ENOX1: variants seen among roughly 807,000 people sequenced by gnomAD.
The protein encoded by ENOX1 is candidate growth-related and time keeping constitutive hydroquinone (NADH) oxidase.
Under a neutral mutation model 82.5 loss-of-function variants are expected in ENOX1, and 42 were observed. That is an observed-to-expected ratio of 0.51 (90% CI 0.40 to 0.66). The LOEUF (loss-of-function observed/expected upper bound fraction) is 0.66. Among genes scored for constraint, ENOX1 ranks in the 30% least tolerant of loss-of-function variants. The probability of loss-of-function intolerance (pLI) is 0.00; values close to 1 mark genes in which losing one functional copy is unlikely to be tolerated. For synonymous variants in ENOX1, 271 were observed against 282.2 expected, an observed-to-expected ratio of 0.96 and a Z score of 0.40; for missense variants, 608 against 811.6, an observed-to-expected ratio of 0.75 and a Z score of 3.05.
intron 2 of ENOX1, among the ~76,000 whole-genome samples, chr13:43,530,541 T>A (rs1356043363): frequency 6.6e-6 from 1 of 152,098 alleles, no homozygotes; most frequent in Non-Finnish European, 1.5e-5. Context: ...CCCCAGGATT[T>A]GAAAATAGTT....
rs1352778657 is a variant in ENOX1, at chr13:43,213,297, T to G, written c.*693A>C. On this transcript the variant is annotated 3_prime_UTR_variant, in exon 17 of 17. Transcript: ENST00000690772. Reference sequence around the variant, plus strand: ...TATTTACACTTTATGAAAACTGTTATGCAGTCCATGTTAAAAGAACTTATG... The same window carrying G: ...TATTTACACTTTATGAAAACTGTTAGGCAGTCCATGTTAAAAGAACTTATG... Among the ~76,000 whole-genome samples, 3 of 152,170 alleles carry G rather than the reference T, an allele frequency of 2.0e-5. No individual in the cohort carries two copies. The highest frequency in any genetic ancestry group is 7.2e-5 in the African/African-American group (3 of 41,470).
At chr13:43,643,628 T>C (rs952201550) in intron 2 of ENOX1, among the ~76,000 whole-genome samples, 1 of 144,592 alleles carries the variant, frequency 6.9e-6, no homozygotes, top group African/African-American at 2.5e-5. Flanking sequence ...TATGTATGTG[T>C]GTGTGTATAT....
rs143923184 is a variant in ENOX1, at chr13:43,356,124, G to C, written c.618C>G (p.Thr206=). 2 of 1,614,128 alleles carry C rather than the reference G, an allele frequency of 1.2e-6. No individual in the cohort carries two copies. The highest frequency in any genetic ancestry group is 1.7e-6 in the Non-Finnish European group (2 of 1,180,018). The part of the protein sequence containing the change: ...SGYRMRLGSS[T]DKKDSGRLHV... The stretch of plus-strand genomic sequence containing the variant: ...GAAGGCGGCCTGAATCCTTTTTGTC[G>C]GTGCTAGACCCTAATCGCATCCTAT... Residue 206 remains threonine (T), a synonymous_variant, in exon 8 of 17, where the codon ACC becomes ACG. Coordinates refer to ENST00000690772, the MANE Select transcript of ENOX1 (RefSeq NM_001347969.2).
chr13:43,736,220 AT>A, intron 1 of ENOX1, among the ~76,000 whole-genome samples: 1 of 152,298 alleles, frequency 6.6e-6, no homozygotes, highest in Non-Finnish European at 1.5e-5. Context: ...TATTGTAAAT[AT>A]TTTTTATTCT....
chr13:43,262,963 G>A (rs17064341), intron 14 of ENOX1, among the ~76,000 whole-genome samples: 25 of 152,290 alleles, frequency 1.6e-4, no homozygotes, highest in African/African-American at 6.0e-4. Context: ...AGTCGGGTCT[G>A]AAGGCCTCGT....
At chr13:43,312,838 CT>C (rs1370831295) in intron 11 of ENOX1, among the ~76,000 whole-genome samples, 1 of 152,156 alleles carries the variant, frequency 6.6e-6, no homozygotes, top group Admixed American at 6.5e-5. Flanking sequence ...AGCAAATCTC[CT>C]TCTAGGTAGT....
intron 5 of ENOX1, among the ~76,000 whole-genome samples, chr13:43,385,141 T>G (rs1396453988): frequency 1.3e-5 from 2 of 152,188 alleles, no homozygotes; most frequent in African/African-American, 4.8e-5. Flanking sequence ...TTTCTGTACA[T>G]TTGGGATATT....
At chr13:43,313,168 T>A (rs2047304701) in intron 11 of ENOX1, among the ~76,000 whole-genome samples, 1 of 152,136 alleles carries the variant, frequency 6.6e-6, no homozygotes, top group Non-Finnish European at 1.5e-5. Context: ...CTTGGGTAAA[T>A]AACATAACTT....
At chr13:43,558,226 C>T (rs1368264218) in intron 2 of ENOX1, among the ~76,000 whole-genome samples, 1 of 152,208 alleles carries the variant, frequency 6.6e-6, no homozygotes, top group Non-Finnish European at 1.5e-5. Context: ...ACAGCTGCCC[C>T]TTCTGCTCCC....
intron 2 of ENOX1, among the ~76,000 whole-genome samples, chr13:43,538,850 G>A (rs572077114): frequency 2.0e-5 from 3 of 152,156 alleles, no homozygotes; most frequent in African/African-American, 7.2e-5. Flanking sequence ...TTTGGAGACG[G>A]GGTCTCACTC....
chr13:43,695,155 G>A (rs77132114), intron 1 of ENOX1, among the ~76,000 whole-genome samples: 3,184 of 152,010 alleles, frequency 0.021, 109 homozygotes, highest in African/African-American at 0.07. Flanking sequence ...ACCAGGCCCC[G>A]CAGAGTGATA....
chr13:43,404,477 G>C (rs1373429341), intron 5 of ENOX1, among the ~76,000 whole-genome samples: 1 of 152,016 alleles, frequency 6.6e-6, no homozygotes, highest in Non-Finnish European at 1.5e-5. Context: ...CTGCTAACTA[G>C]ATAAGTCTAA....
At chr13:43,305,249 A>G (rs978168490) in intron 11 of ENOX1, among the ~76,000 whole-genome samples, 1 of 97,898 alleles carries the variant, frequency 1.0e-5, no homozygotes, top group African/African-American at 3.6e-5. Flanking sequence ...CTGCTTTTCA[A>G]TAATACCTGT....
At chr13:43,330,711 T>A (rs1239953362) in intron 9 of ENOX1, among the ~76,000 whole-genome samples, 3 of 152,178 alleles carry the variant, frequency 2.0e-5, no homozygotes, top group South Asian at 4.1e-4. Context: ...ACCCAGCAGC[T>A]GTAAATGACC....
At chr13:43,216,166 C>G (rs537881360) in intron 16 of ENOX1, among the ~76,000 whole-genome samples, 1 of 152,180 alleles carries the variant, frequency 6.6e-6, no homozygotes, top group East Asian at 1.9e-4. Flanking sequence ...CCACCGCACT[C>G]CATCCTGGGG....
chr13:43,607,384 T>C (rs986661950), intron 2 of ENOX1, among the ~76,000 whole-genome samples: 2 of 152,202 alleles, frequency 1.3e-5, no homozygotes, highest in Non-Finnish European at 2.9e-5. Context: ...GTTATCAATA[T>C]ACCCTAAGTA....
At chr13:43,333,021 C>CT (rs1246362888) in intron 9 of ENOX1, among the ~76,000 whole-genome samples, 1 of 152,028 alleles carries the variant, frequency 6.6e-6, no homozygotes, top group Admixed American at 6.6e-5. Context: ...TATGAGAAAC[C>CT]TTTTTTACTT....
At position 43,536,849 on chromosome 13, in the gene ENOX1, A is replaced by G. The variant is rs145353477; in HGVS notation, c.-218-52697T>C. Among the ~76,000 whole-genome samples, 87 of 152,336 alleles carry G rather than the reference A, an allele frequency of 5.7e-4. No individual in the cohort carries two copies. In the East Asian group the frequency reaches 0.011, roughly 20 times the overall value. The stretch of plus-strand genomic sequence containing the variant: ...GTATCTAAATGGATGCTCTATTTGT[A>G]TCTGTCTCTATCAAATGTATCAGAT... On this transcript the variant is annotated intron_variant, in intron 2 of 16. Coordinates refer to ENST00000690772, the MANE Select transcript of ENOX1 (RefSeq NM_001347969.2).
At chr13:43,321,232 C>G (rs1244820013) in intron 11 of ENOX1, 2 of 439,444 alleles carry the variant, frequency 4.6e-6, no homozygotes, top group South Asian at 1.6e-5. Flanking sequence ...TTCCCCACAC[C>G]CTGTAGCCAC....
Sources: allele counts gnomAD v4.1 joint callset (sites outside exome capture counted in the v4.1 genomes callset), GRCh38; gene constraint gnomAD v4.1.1; transcripts MANE v1.5; gene names NCBI Gene and HGNC (gene_info 2026-07-23, HGNC 2026-07-21).